The following DLG1 variants were observed in gnomAD, a reference collection of about 807,000 sequenced individuals.
The protein encoded by DLG1 is discs large MAGUK scaffold protein 1.
A neutral mutation model predicts 123.4 loss-of-function variants in DLG1; 42 were observed. The ratio of observed to expected loss-of-function variants is 0.34; its 90% CI spans 0.27 to 0.44. The LOEUF (loss-of-function observed/expected upper bound fraction) is 0.44, where lower values mean the gene tolerates loss of function less well. DLG1 is among the 20% of genes least tolerant of loss of function. The pLI, the probability that DLG1 is intolerant of heterozygous loss-of-function variation, is 1.00. For synonymous variants in DLG1, 317 were observed against 356.2 expected, an observed-to-expected ratio of 0.89 and a Z score of 1.24; for missense variants, 942 against 1,082.6, an observed-to-expected ratio of 0.87 and a Z score of 1.82.
Position 197,137,979 on chromosome 3 carries a change from C to CAA in DLG1, c.883+241_883+242dup, listed in dbSNP as rs11395100. ...AGGGCAAAACCCTGCCTCAAAAAAA[C>CAA]AAACAAAAAAACCCCGCAAAAAAAG... On this transcript the variant is annotated intron_variant, in intron 9 of 24. Coordinates refer to ENST00000667157, the MANE Select transcript of DLG1 (RefSeq NM_001366207.1). Among the ~76,000 whole-genome samples the CAA allele has an allele frequency of 2.6e-3, 385 of 147,700 alleles. 1 individual carries two copies. The highest frequency in any genetic ancestry group is 0.021 in the Middle Eastern group (6 of 280).
chr3:197,140,136 A>G lies in DLG1; in HGVS notation c.713+4T>C, dbSNP rs755524196. The G allele has an allele frequency of 1.2e-6, 2 of 1,612,570 alleles. No individual in the cohort carries two copies. Among genetic ancestry groups the G allele is most frequent in the East Asian group, 2.2e-5 (1 of 44,858 alleles). On this transcript the variant is annotated splice_donor_region_variant and intron_variant, in intron 8 of 24. Transcript: ENST00000667157. ...AGCATCACAATAAAAAGCGCAAAAC[A>G]TACCGCAATCTTCCATCTTGGGCGG... is the stretch of plus-strand genomic sequence containing the variant.
intron 11 of DLG1, among the ~76,000 whole-genome samples, chr3:197,129,769 A>G (rs1781566274): frequency 6.6e-6 from 1 of 152,080 alleles, no homozygotes; most frequent in Non-Finnish European, 1.5e-5. Context: ...TATCTTGGGG[A>G]ATAGGGAGGC....
At position 197,142,704 on chromosome 3, in the gene DLG1, A is replaced by G. The variant is rs775402603; in HGVS notation, c.588+14T>C. The G allele has an allele frequency of 1.3e-6, 2 of 1,585,952 alleles. No individual in the cohort carries two copies. The highest frequency in any genetic ancestry group is 1.3e-5 in the African/African-American group (1 of 74,166). On this transcript the variant is annotated intron_variant, in intron 7 of 24. Coordinates refer to ENST00000667157, the MANE Select transcript of DLG1 (RefSeq NM_001366207.1). ...AAGTTCTCTAGAACAACAGATTAAG[A>G]TAATAGTTTTTACCCTTTCAAGTGT...
At chr3:197,057,627 T>G (rs1732695282) in intron 23 of DLG1, among the ~76,000 whole-genome samples, 1 of 152,210 alleles carries the variant, frequency 6.6e-6, no homozygotes, top group East Asian at 1.9e-4. Context: ...ATTTTGTCTT[T>G]TTCATTTTTT....
At chr3:197,093,351 G>A (rs1758809272) in intron 14 of DLG1, among the ~76,000 whole-genome samples, 1 of 152,044 alleles carries the variant, frequency 6.6e-6, no homozygotes, top group African/African-American at 2.4e-5. Context: ...TAGAGACGGG[G>A]TTTCACCATG....
At chr3:197,283,900 C>T (rs560436249) in intron 3 of DLG1, among the ~76,000 whole-genome samples, 167 of 134,504 alleles carry the variant, frequency 1.2e-3, no homozygotes, top group African/African-American at 4.1e-3. Flanking sequence ...CTCGCTCTGT[C>T]GCCCAGGCTG....
At chr3:197,132,292 AT>A (rs34795928) in intron 10 of DLG1, among the ~76,000 whole-genome samples, 92,059 of 146,380 alleles carry the variant, frequency 0.63, 28,610 homozygotes, top group East Asian at 0.8. Flanking sequence ...TCTTTGATAC[AT>A]TTTTTTTTTT....
chr3:197,055,464 C>G (rs1411555231), intron 23 of DLG1, among the ~76,000 whole-genome samples: 1 of 152,156 alleles, frequency 6.6e-6, no homozygotes, highest in Non-Finnish European at 1.5e-5. Context: ...GTAAGTAACT[C>G]TGGAGAACGA....
intron 5 of DLG1, among the ~76,000 whole-genome samples, chr3:197,181,230 C>T (rs1480058074): frequency 9.2e-5 from 14 of 152,092 alleles, no homozygotes; most frequent in Non-Finnish European, 1.5e-5. Context: ...AGTTTTCATA[C>T]TAATAGAACT....
intron 10 of DLG1, among the ~76,000 whole-genome samples, chr3:197,132,030 A>C (rs1372286176): frequency 1.3e-5 from 2 of 152,106 alleles, no homozygotes; most frequent in Non-Finnish European, 2.9e-5. Context: ...AAGTTACCTC[A>C]GGTATTAGCA....
rs1802668 is a variant in DLG1 at position 197,194,489 on chromosome 3, T to C, written c.419A>G (p.Lys140Arg). ...IGPELVHVSE[K>R]NLSEIENVHG... is the part of the protein sequence containing the mutation. ...GACATTCTCAATCTCTGATAAGTTCTTCTCTGAGACATGAACCAATTCTGG... is the reference window on the plus strand; with the variant it reads ...GACATTCTCAATCTCTGATAAGTTCCTCTCTGAGACATGAACCAATTCTGG... The change falls in exon 5 of 25, where the codon AAG (lysine) becomes AGG (arginine). Residue 140 changes from lysine (K) to arginine (R), a missense_variant. Lys to Arg is a conservative substitution (Grantham distance 26, BLOSUM62 2). Coordinates refer to ENST00000667157, the MANE Select transcript of DLG1 (RefSeq NM_001366207.1). 63,250 of 1,605,224 alleles carry C rather than the reference T, an allele frequency of 0.039. 1,447 individuals carry two copies. The highest frequency in any genetic ancestry group is 0.047 in the Non-Finnish European group (54,700 of 1,176,066).
At chr3:197,096,196 C>T (rs1760539914) in intron 14 of DLG1, among the ~76,000 whole-genome samples, 1 of 152,182 alleles carries the variant, frequency 6.6e-6, no homozygotes, top group South Asian at 2.1e-4. Context: ...GGAAAACCAT[C>T]CCTTCAAACC....
At chr3:197,204,309 A>G (rs1002033784) in intron 4 of DLG1, among the ~76,000 whole-genome samples, 8 of 152,242 alleles carry the variant, frequency 5.3e-5, no homozygotes, top group African/African-American at 9.6e-5. Flanking sequence ...GAAGAATCCT[A>G]TAACAATTGA....
intron 22 of DLG1, among the ~76,000 whole-genome samples, chr3:197,063,250 CT>C (rs1278184628): frequency 6.7e-6 from 1 of 150,084 alleles, no homozygotes; most frequent in Non-Finnish European, 1.5e-5. Flanking sequence ...TATCATTTTG[CT>C]TTTCCCCCAT....
In DLG1 at chr3:197,119,493, A is replaced by G; in HGVS notation, c.1203T>C (p.Ser401=). The change falls in exon 12 of 25, where the codon TCT becomes TCC. Residue 401 remains serine, a synonymous_variant. Transcript: ENST00000667157. ...ATGCTGGTGTCTGGCCCAAGAAGGAAGATGGGCTAACATGGTTATCAACAG... is the reference window on the plus strand; with the variant it reads ...ATGCTGGTGTCTGGCCCAAGAAGGAGGATGGGCTAACATGGTTATCAACAG... ...SQPVDNHVSP[S]SFLGQTPASP... is the part of the protein sequence containing the mutation. The G allele has an allele frequency of 3.7e-6, 6 of 1,611,754 alleles. No homozygotes were observed. Among genetic ancestry groups the G allele is most frequent in the Non-Finnish European group, 5.1e-6 (6 of 1,178,336 alleles).
chr3:197,168,189 A>T (rs1802344198), intron 5 of DLG1, among the ~76,000 whole-genome samples: 3 of 152,196 alleles, frequency 2.0e-5, no homozygotes, highest in Non-Finnish European at 4.4e-5. Context: ...AATACCATTT[A>T]AAAAAATTCC....
chr3:197,114,758 G>A (rs867352377), intron 13 of DLG1, among the ~76,000 whole-genome samples: 22 of 152,086 alleles, frequency 1.4e-4, no homozygotes, highest in African/African-American at 5.1e-4. Flanking sequence ...CGAGGTGGGA[G>A]GATCACGAGG....
chr3:197,080,168 T>C (rs1373318381), intron 17 of DLG1, among the ~76,000 whole-genome samples: 1 of 151,076 alleles, frequency 6.6e-6, no homozygotes, highest in Non-Finnish European at 1.5e-5. Context: ...CTTTCTCATC[T>C]ATCGACAGCC....
At chr3:197,283,247 TATC>T (rs1325647515) in intron 3 of DLG1, among the ~76,000 whole-genome samples, 2 of 152,202 alleles carry the variant, frequency 1.3e-5, no homozygotes, top group Non-Finnish European at 2.9e-5. Flanking sequence ...TGGTAGCTAA[TATC>T]ATTACTGTGA....
Sources: allele counts gnomAD v4.1 joint callset (sites outside exome capture counted in the v4.1 genomes callset), GRCh38; gene constraint gnomAD v4.1.1; transcripts MANE v1.5; gene names NCBI Gene and HGNC (gene_info 2026-07-23, HGNC 2026-07-21).